The following LAMA2 variants were observed in gnomAD, a reference collection of about 807,000 sequenced individuals.
LAMA2 encodes laminin subunit alpha-2.
LAMA2 carries 269 observed loss-of-function variants against 364.8 expected under a neutral mutation model. The observed-to-expected ratio is 0.74, with a 90% confidence interval of 0.67 to 0.82. LAMA2 has a LOEUF of 0.82. LAMA2 is among the 40% of genes least tolerant of loss of function. The probability of loss-of-function intolerance (pLI) is 0.00; values close to 1 mark genes in which losing one functional copy is unlikely to be tolerated. For synonymous variants in LAMA2, 1,379 were observed against 1,370.6 expected (o/e 1.01, Z -0.14); for missense variants, 3,807 against 3,873.2 (o/e 0.98, Z 0.45).
chr6:129,291,448 T>C (rs927757902), intron 19 of LAMA2, among the ~76,000 whole-genome samples, 166 bp from the exon 20 acceptor site: 3 of 152,234 alleles, frequency 2.0e-5, no homozygotes, highest in East Asian at 1.9e-4. Context: ...AGAGTTGTTA[T>C]AGGGATTAAA....
intron 1 of LAMA2, among the ~76,000 whole-genome samples, chr6:129,016,522 A>G (rs193276711): frequency 6.6e-5 from 10 of 152,134 alleles, no homozygotes; most frequent in Admixed American, 1.3e-4. Flanking sequence ...CAACTGTTAT[A>G]CCCAACAGCA....
intron 45 of LAMA2, among the ~76,000 whole-genome samples, chr6:129,447,080 A>T (rs944018458): frequency 6.6e-6 from 1 of 152,234 alleles, no homozygotes; most frequent in African/African-American, 2.4e-5. Flanking sequence ...TTGAAGTTTT[A>T]TGTAAGATTT....
At chr6:129,366,446 CT>C in intron 33 of LAMA2, 85 bp downstream of exon 33, 2 of 1,438,690 alleles carry the variant, frequency 1.4e-6, no homozygotes, top group South Asian at 2.4e-5. Context: ...GGTAAATGTT[CT>C]TCCCACAGCC....
chr6:129,237,400 G>A (rs576409042), intron 12 of LAMA2, among the ~76,000 whole-genome samples: 1 of 151,372 alleles, frequency 6.6e-6, no homozygotes, highest in African/African-American at 2.4e-5. Context: ...GCAGTGGTGT[G>A]ATCTCGGCTC....
At chr6:129,465,350 T>C (rs949666369) in intron 51 of LAMA2, 61 bp downstream of exon 51, 1 of 1,333,062 alleles carries the variant, frequency 7.5e-7, no homozygotes, top group South Asian at 1.2e-5. Context: ...AGTGCACATG[T>C]ACCTGATCAA....
intron 1 of LAMA2, among the ~76,000 whole-genome samples, chr6:128,950,702 GTAA>G (rs1455522825): frequency 6.6e-6 from 1 of 151,602 alleles, no homozygotes; most frequent in Non-Finnish European, 1.5e-5. Flanking sequence ...GAATAATAAG[GTAA>G]TAATAAGTAT....
intron 12 of LAMA2, among the ~76,000 whole-genome samples, chr6:129,232,063 T>C (rs1223332363): frequency 6.6e-6 from 1 of 152,152 alleles, no homozygotes; most frequent in Non-Finnish European, 1.5e-5. Context: ...ACGAAGTTCT[T>C]TCCTTTCAGC....
chr6:128,931,521 A>G (rs922508470), intron 1 of LAMA2, among the ~76,000 whole-genome samples: 25 of 152,222 alleles, frequency 1.6e-4, no homozygotes, highest in African/African-American at 5.8e-4. Context: ...TGCCAATAAA[A>G]TAGTTATTAA....
At chr6:128,967,461 C>T (rs1781914799) in intron 1 of LAMA2, among the ~76,000 whole-genome samples, 1 of 152,166 alleles carries the variant, frequency 6.6e-6, no homozygotes, top group South Asian at 2.1e-4. Context: ...TGGGCACCCA[C>T]TTGCTATACA....
intron 30 of LAMA2, among the ~76,000 whole-genome samples, chr6:129,346,612 G>A (rs190491609): frequency 6.6e-6 from 1 of 152,196 alleles, no homozygotes; most frequent in Admixed American, 6.5e-5. Flanking sequence ...TAAACATAAT[G>A]TCTTATTTCT....
chr6:129,369,846 G>T, intron 33 of LAMA2, 46 bp from the exon 34 acceptor site: 1 of 1,502,964 alleles, frequency 6.7e-7, no homozygotes, highest in Non-Finnish European at 9.3e-7. Flanking sequence ...CACTATCACT[G>T]CAAGGCCATT....
At position 128,957,836 on chromosome 6, in the gene LAMA2, ATTTTTTT is replaced by A. The variant is rs10652900; in HGVS notation, c.112+74496_112+74502del. On this transcript the variant is annotated intron_variant, in intron 1 of 64. Coordinates refer to ENST00000421865, the MANE Select transcript of LAMA2 (RefSeq NM_000426.4). Reference sequence around the variant, plus strand: ...CTTCCCAGGCTGTACTACTTCATGCATTTTTTTTTTTTTTTTTTTTTTTGCCTATTGT... The same window carrying A: ...CTTCCCAGGCTGTACTACTTCATGCATTTTTTTTTTTTTTTTGCCTATTGT... Among the ~76,000 whole-genome samples the A allele has an allele frequency of 4.6e-3, 235 of 51,274 alleles. 1 individual carries two copies. The highest frequency in any genetic ancestry group is 0.016 in the African/African-American group (208 of 12,706). The allele number at this position is 51,274 out of a possible 152,430, so 33.6% of individuals were successfully genotyped here.
intron 22 of LAMA2, among the ~76,000 whole-genome samples, chr6:129,311,004 C>T (rs1774184781): frequency 6.6e-6 from 1 of 151,998 alleles, no homozygotes; most frequent in Admixed American, 6.5e-5. Context: ...GTGTGCAGAC[C>T]AAAGCTAGTC....
intron 3 of LAMA2, among the ~76,000 whole-genome samples, chr6:129,095,754 C>CAAA (rs57713069): frequency 1.1e-4 from 10 of 93,984 alleles, no homozygotes; most frequent in Non-Finnish European, 1.2e-4. Flanking sequence ...CTACTAAATA[C>CAAA]AAAAAAAAAA....
At chr6:129,194,015 T>C (rs1178505117) in intron 12 of LAMA2, among the ~76,000 whole-genome samples, 1 of 152,146 alleles carries the variant, frequency 6.6e-6, no homozygotes, top group Non-Finnish European at 1.5e-5. Context: ...AGACAGAGTA[T>C]GTTGCATAAA....
intron 64 of LAMA2, among the ~76,000 whole-genome samples, chr6:129,515,608 A>C (rs915942009): frequency 1.5e-5 from 2 of 135,170 alleles, no homozygotes; most frequent in African/African-American, 5.1e-5. Context: ...AAAGTGATAA[A>C]GTCACCTTCA....
chr6:129,147,894 C>G (rs1778563503), intron 6 of LAMA2, among the ~76,000 whole-genome samples: 1 of 151,960 alleles, frequency 6.6e-6, no homozygotes, highest in Non-Finnish European at 1.5e-5. Flanking sequence ...CTGCTTTCTG[C>G]CTGGTATGGG....
intron 27 of LAMA2, among the ~76,000 whole-genome samples, chr6:129,318,494 C>T (rs970348798): frequency 6.6e-6 from 1 of 152,034 alleles, no homozygotes; most frequent in Non-Finnish European, 1.5e-5. Flanking sequence ...ACTTGCGGGT[C>T]TGTTATGTGC....
intron 1 of LAMA2, among the ~76,000 whole-genome samples, chr6:128,920,417 A>G (rs1778623537): frequency 6.6e-6 from 1 of 151,820 alleles, no homozygotes; most frequent in African/African-American, 2.4e-5. Flanking sequence ...CAGGCTCCCA[A>G]AGTGCTGGGA....
Sources: allele counts gnomAD v4.1 joint callset (sites outside exome capture counted in the v4.1 genomes callset), GRCh38; gene constraint gnomAD v4.1.1; transcripts MANE v1.5; gene names NCBI Gene and HGNC (gene_info 2026-07-23, HGNC 2026-07-21).